Variants in PDE8B observed in about 807,000 individuals in gnomAD.
PDE8B encodes high affinity cAMP-specific and IBMX-insensitive 3',5'-cyclic phosphodiesterase 8B.
A neutral mutation model predicts 101.3 loss-of-function variants in PDE8B; 26 were observed. The ratio of observed to expected loss-of-function variants is 0.26; its 90% CI spans 0.19 to 0.36. The LOEUF (loss-of-function observed/expected upper bound fraction) is 0.36. Among genes scored for constraint, PDE8B ranks in the 10% least tolerant of loss-of-function variants. The probability of loss-of-function intolerance (pLI) is 1.00; values close to 1 mark genes in which losing one functional copy is unlikely to be tolerated. For missense variants in PDE8B, 810 were observed against 1,163.1 expected (o/e 0.70, Z 4.42); for synonymous variants, 424 against 429.3 (o/e 0.99, Z 0.15).
chr5:77,096,200 G>A, the PDE8B span, among the ~76,000 whole-genome samples: 1 of 152,138 alleles, frequency 6.6e-6, no homozygotes, highest in East Asian at 1.9e-4. Flanking sequence ...TTGTTGGCAG[G>A]CTGGTCTTGA....
chr5:77,380,465 C>T (rs1787237353), intron 10 of PDE8B, among the ~76,000 whole-genome samples: 1 of 152,150 alleles, frequency 6.6e-6, no homozygotes, highest in Admixed American at 6.5e-5. Context: ...ACTATCTGAG[C>T]CCATGGATGT....
the PDE8B span, among the ~76,000 whole-genome samples, chr5:77,198,509 A>G: frequency 6.6e-6 from 1 of 152,170 alleles, no homozygotes; most frequent in Non-Finnish European, 1.5e-5. Context: ...GTCTTCTCAC[A>G]TCGGTGAAAC....
At chr5:77,207,634 G>A (rs1215176974), upstream of PDE8B, among the ~76,000 whole-genome samples, 2 of 152,256 alleles carry the variant, frequency 1.3e-5, no homozygotes, top group Admixed American at 6.5e-5. Flanking sequence ...CACCTGGGAT[G>A]CATTGAAGTG....
the PDE8B span, among the ~76,000 whole-genome samples, chr5:77,183,357 A>T: frequency 5.3e-5 from 8 of 152,010 alleles, no homozygotes; most frequent in Non-Finnish European, 8.8e-5. Flanking sequence ...TGACCTCATG[A>T]TCCACCCGCC....
At chr5:77,336,155 GTTCA>G (rs1188983615) in intron 5 of PDE8B, among the ~76,000 whole-genome samples, 3 of 151,952 alleles carry the variant, frequency 2.0e-5, no homozygotes, top group African/African-American at 7.2e-5. Flanking sequence ...TTATCTATCT[GTTCA>G]TTCATTCACT....
intron 1 of PDE8B, among the ~76,000 whole-genome samples, chr5:77,304,481 C>A (rs188205962): frequency 5.8e-4 from 88 of 152,082 alleles, no homozygotes; most frequent in African/African-American, 2.0e-3. Flanking sequence ...GGGCCTTTTT[C>A]TCTTTTATTA....
chr5:77,162,540 T>C, the PDE8B span, among the ~76,000 whole-genome samples: 1 of 152,124 alleles, frequency 6.6e-6, no homozygotes, highest in Non-Finnish European at 1.5e-5. Context: ...GCTACAGTAA[T>C]TAAATAAATG....
intron 10 of PDE8B, among the ~76,000 whole-genome samples, chr5:77,389,431 C>T (rs1261704191): frequency 6.6e-6 from 1 of 152,186 alleles, no homozygotes; most frequent in African/African-American, 2.4e-5. Flanking sequence ...TGAGATGAAC[C>T]CCGGGTACCT....
chr5:77,425,944 C>G (rs770655208), intron 21 of PDE8B, 48 bp downstream of exon 21: 1 of 1,557,332 alleles, frequency 6.4e-7, no homozygotes, highest in African/African-American at 1.4e-5. Flanking sequence ...TTATACTTTA[C>G]GAATATTATC....
At chr5:77,285,026 G>A (rs1344039521) in intron 1 of PDE8B, among the ~76,000 whole-genome samples, 1 of 152,158 alleles carries the variant, frequency 6.6e-6, no homozygotes, top group Non-Finnish European at 1.5e-5. Context: ...GTGCCCCACT[G>A]TCCCAGCTTA....
rs1785842943 is a variant in PDE8B at position 77,375,264 on chromosome 5, G to A, written c.1167+21858G>A. Among the ~76,000 whole-genome samples the A allele has an allele frequency of 2.0e-5, 3 of 152,246 alleles. No homozygotes were observed. In the South Asian group the frequency reaches 6.2e-4, roughly 32 times the overall value. ...CAAAAGGAGTAGTTTTATCTCTTGA[G>A]GGAGCTCCAGGGCCCAAGACTGTGG... is the stretch of plus-strand genomic sequence containing the variant. On this transcript the variant is annotated intron_variant, in intron 10 of 21. Transcript: ENST00000264917.
chr5:77,279,221 T>A (rs1055372500), intron 1 of PDE8B, among the ~76,000 whole-genome samples: 4 of 152,264 alleles, frequency 2.6e-5, no homozygotes, highest in Non-Finnish European at 5.9e-5. Flanking sequence ...TCCAATTCTT[T>A]GATGATTTGT....
chr5:77,165,564 CAACAAAAACAAA>C, the PDE8B span: 3,422 of 152,218 alleles, frequency 0.022, 60 homozygotes, highest in African/African-American at 0.024. Context: ...ACTGCAACAA[CAACAAAAACAAA>C]AACAAAAACA....
the PDE8B span, among the ~76,000 whole-genome samples, chr5:77,090,572 C>A: frequency 3.9e-5 from 6 of 152,090 alleles, no homozygotes; most frequent in Admixed American, 3.9e-4. Flanking sequence ...CGCACCCAGC[C>A]GAAGAGAAGA....
At chr5:77,159,600 G>T in the PDE8B span, among the ~76,000 whole-genome samples, 2 of 152,146 alleles carry the variant, frequency 1.3e-5, no homozygotes, top group Non-Finnish European at 1.5e-5. Flanking sequence ...ATGTATTTGG[G>T]TTGGGGATTG....
At chr5:77,376,655 T>C (rs1025011362) in intron 10 of PDE8B, among the ~76,000 whole-genome samples, 4 of 152,224 alleles carry the variant, frequency 2.6e-5, no homozygotes, top group African/African-American at 9.6e-5. Flanking sequence ...AACAAAGTTC[T>C]AATGAACAGC....
At chr5:77,378,009 T>TACAC (rs3031820) in intron 10 of PDE8B, among the ~76,000 whole-genome samples, 12,905 of 134,272 alleles carry the variant, frequency 0.096, 585 homozygotes, top group Middle Eastern at 0.16. Flanking sequence ...CCTCTCTCTC[T>TACAC]ACACACACAC....
At chr5:77,233,665 T>TGTGA (rs1176756017) in intron 1 of PDE8B, among the ~76,000 whole-genome samples, 1 of 102,292 alleles carries the variant, frequency 9.8e-6, no homozygotes, top group Non-Finnish European at 2.0e-5. Flanking sequence ...TGTGTGTGTG[T>TGTGA]GTGTGTGTGT....
In PDE8B at chr5:77,426,819, T is replaced by C; in HGVS notation, c.*265T>C. On this transcript the variant is annotated 3_prime_UTR_variant, in exon 22 of 22. Coordinates refer to ENST00000264917, the MANE Select transcript of PDE8B (RefSeq NM_003719.5). ...TGCTCTGCTGTCATCCTGTGTACCC[T>C]TGTCAATCCATGGAGCTGGTTCACT... The C allele has an allele frequency of 2.4e-6, 1 of 417,152 alleles. No individual in the cohort carries two copies. 25.8% of individuals were successfully genotyped at this position (417,152 alleles called of 1,614,324 possible).
Sources: gnomAD v4.1 joint callset for allele counts (sites outside exome capture counted in the v4.1 genomes callset) on GRCh38, gnomAD v4.1.1 for gene constraint, MANE v1.5 for transcripts, NCBI Gene and HGNC (gene_info 2026-07-23, HGNC 2026-07-21) for gene names.